THSD4: variants seen among roughly 807,000 people sequenced by gnomAD.
The protein encoded by THSD4 is thrombospondin type 1 domain containing 4.
In THSD4, 69 loss-of-function variants were observed where a neutral mutation model predicts 119.0. The observed-to-expected ratio is 0.58, with a 90% confidence interval of 0.48 to 0.71. THSD4 has a LOEUF of 0.71. Among genes scored for constraint, THSD4 ranks in the 30% least tolerant of loss-of-function variants. The probability of loss-of-function intolerance (pLI) is 0.00; values close to 1 mark genes in which losing one functional copy is unlikely to be tolerated. For synonymous variants in THSD4, 524 were observed against 540.4 expected, an observed-to-expected ratio of 0.97 and a Z score of 0.42; for missense variants, 1,393 against 1,391.1, an observed-to-expected ratio of 1.00 and a Z score of -0.02.
At chr15:71,553,077 T>C (rs1287267080) in intron 7 of THSD4, among the ~76,000 whole-genome samples, 2 of 152,230 alleles carry the variant, frequency 1.3e-5, no homozygotes, top group Admixed American at 1.3e-4. Context: ...GTTAACAATT[T>C]AGCATCTGTC....
Position 71,190,290 on chromosome 15 carries a change from C to T in THSD4, c.100-24745C>T, listed in dbSNP as rs768728100. Among the ~76,000 whole-genome samples, 154 of 152,330 alleles carry T rather than the reference C, an allele frequency of 1.0e-3. 1 individual carries two copies. In the Middle Eastern group the frequency reaches 0.014, roughly 13 times the overall value. On this transcript the variant is annotated intron_variant, in intron 3 of 17. Coordinates refer to ENST00000261862, the MANE Select transcript of THSD4 (RefSeq NM_024817.3). Reference sequence around the variant, plus strand: ...TGAAAAATTCTGTTTGTTTGTGGAACGTGTGCCTTAATTGTTCATGAGAGG... The same window carrying T: ...TGAAAAATTCTGTTTGTTTGTGGAATGTGTGCCTTAATTGTTCATGAGAGG...
intron 8 of THSD4, among the ~76,000 whole-genome samples, chr15:71,685,633 T>A (rs1307445942): frequency 6.6e-6 from 1 of 152,174 alleles, no homozygotes; most frequent in South Asian, 2.1e-4. Context: ...CTAAAGTATA[T>A]GAAGAAAATC....
At chr15:71,422,144 A>G (rs2046817110) in intron 7 of THSD4, among the ~76,000 whole-genome samples, 1 of 152,088 alleles carries the variant, frequency 6.6e-6, no homozygotes, top group Admixed American at 6.5e-5. Flanking sequence ...TTTTTTCAGG[A>G]TTGGTCCCTG....
At chr15:71,164,352 C>G (rs931513666) in intron 3 of THSD4, among the ~76,000 whole-genome samples, 2 of 146,140 alleles carry the variant, frequency 1.4e-5, no homozygotes, top group African/African-American at 5.1e-5. Context: ...AGAATGTCAA[C>G]AAAACAGCTG....
intron 3 of THSD4, among the ~76,000 whole-genome samples, chr15:71,199,477 TG>T (rs1160447364): frequency 3.7e-5 from 5 of 136,240 alleles, no homozygotes; most frequent in Admixed American, 7.3e-5. Flanking sequence ...GTGTGTGGTG[TG>T]TGTGTGTGGG....
At chr15:71,688,991 C>T (rs1439032656) in intron 8 of THSD4, among the ~76,000 whole-genome samples, 2 of 152,172 alleles carry the variant, frequency 1.3e-5, no homozygotes, top group Non-Finnish European at 2.9e-5. Context: ...TGAGATAAAG[C>T]TCAGGAACGC....
At chr15:71,409,670 C>T (rs761874257) in intron 6 of THSD4, among the ~76,000 whole-genome samples, 2 of 152,146 alleles carry the variant, frequency 1.3e-5, no homozygotes, top group African/African-American at 4.8e-5. Flanking sequence ...CATGTGGTCC[C>T]AGAGGCTCCA....
At chr15:71,671,734 A>G (rs1312529264) in intron 8 of THSD4, among the ~76,000 whole-genome samples, 1 of 152,200 alleles carries the variant, frequency 6.6e-6, no homozygotes, top group Non-Finnish European at 1.5e-5. Context: ...CATTTATTAA[A>G]TAGGGAATCC....
intron 8 of THSD4, among the ~76,000 whole-genome samples, chr15:71,692,106 T>C (rs2052065640): frequency 6.6e-6 from 1 of 152,206 alleles, no homozygotes; most frequent in Non-Finnish European, 1.5e-5. Flanking sequence ...TAGCTTCCCA[T>C]GTAATTAGTT....
At chr15:71,624,003 T>C (rs1244975084) in intron 7 of THSD4, among the ~76,000 whole-genome samples, 1 of 152,076 alleles carries the variant, frequency 6.6e-6, no homozygotes, top group African/African-American at 2.4e-5. Flanking sequence ...ACAGATGTCA[T>C]GGATTGGCTT....
intron 6 of THSD4, among the ~76,000 whole-genome samples, chr15:71,367,291 CT>C (rs571372999): frequency 6.6e-6 from 1 of 151,334 alleles, no homozygotes; most frequent in Admixed American, 6.6e-5. Flanking sequence ...CTATGCCATT[CT>C]TTTTTTTATT....
intron 1 of THSD4, among the ~76,000 whole-genome samples, chr15:71,139,244 A>G (rs1253606787): frequency 3.3e-5 from 5 of 152,188 alleles, no homozygotes; most frequent in Non-Finnish European, 7.3e-5. Context: ...GTTGTTCTGG[A>G]TAATAACACC....
chr15:71,650,641 CG>C (rs2051065352), intron 7 of THSD4, among the ~76,000 whole-genome samples: 1 of 152,124 alleles, frequency 6.6e-6, no homozygotes, highest in Admixed American at 6.5e-5. Context: ...GAGAGCCAGC[CG>C]GAAGACACGT....
At chr15:71,475,676 G>A (rs901332137) in intron 7 of THSD4, among the ~76,000 whole-genome samples, 2 of 152,168 alleles carry the variant, frequency 1.3e-5, no homozygotes, top group Non-Finnish European at 2.9e-5. Flanking sequence ...TAGTCTTAGT[G>A]CTTTGGGAGC....
intron 8 of THSD4, among the ~76,000 whole-genome samples, chr15:71,692,228 G>T (rs1204476533): frequency 6.6e-6 from 1 of 152,194 alleles, no homozygotes; most frequent in African/African-American, 2.4e-5. Flanking sequence ...CGTTAAAGAT[G>T]AGTTAATTTC....
chr15:71,754,734 A>C (rs1334301680), intron 14 of THSD4, among the ~76,000 whole-genome samples: 2 of 152,240 alleles, frequency 1.3e-5, no homozygotes, highest in Non-Finnish European at 1.5e-5. Flanking sequence ...AAAGATTAAC[A>C]GATAAAAAGC....
At chr15:71,303,246 T>G (rs2044977390) in intron 6 of THSD4, among the ~76,000 whole-genome samples, 1 of 152,178 alleles carries the variant, frequency 6.6e-6, no homozygotes, top group African/African-American at 2.4e-5. Context: ...GCGCCGCGCA[T>G]TTGCCTGCTT....
intron 7 of THSD4, among the ~76,000 whole-genome samples, chr15:71,605,929 C>G (rs949835622): frequency 1.3e-5 from 2 of 152,120 alleles, no homozygotes; most frequent in African/African-American, 4.8e-5. Context: ...AAGTAGCAAC[C>G]AGAGACAGAG....
intron 7 of THSD4, among the ~76,000 whole-genome samples, chr15:71,482,136 C>T (rs2047739275): frequency 1.3e-5 from 2 of 152,152 alleles, no homozygotes; most frequent in Non-Finnish European, 2.9e-5. Context: ...CCTATCATAA[C>T]AAGAAGTCTG....
Sources: gnomAD v4.1 joint callset for allele counts (sites outside exome capture counted in the v4.1 genomes callset) on GRCh38, gnomAD v4.1.1 for gene constraint, MANE v1.5 for transcripts, NCBI Gene and HGNC (gene_info 2026-07-23, HGNC 2026-07-21) for gene names.